Variants in NEMP2 observed in about 807,000 individuals in gnomAD.
NEMP2 encodes UPF0571 transmembrane protein.
A neutral mutation model predicts 54.2 loss-of-function variants in NEMP2; 53 were observed. That is an observed-to-expected ratio of 0.98 (90% CI 0.78 to 1.23). The LOEUF (loss-of-function observed/expected upper bound fraction) is 1.23, where lower values mean the gene tolerates loss of function less well. NEMP2 is among the 50% of genes most tolerant of loss of function. NEMP2 has a pLI of 0.00. For synonymous variants in NEMP2, 197 were observed against 190.3 expected, an observed-to-expected ratio of 1.04 and a Z score of -0.29; for missense variants, 455 against 511.3, an observed-to-expected ratio of 0.89 and a Z score of 1.06.
the NEMP2 span, among the ~76,000 whole-genome samples, chr2:190,489,598 G>T: frequency 3.3e-5 from 5 of 152,156 alleles, no homozygotes; most frequent in African/African-American, 1.2e-4. This position sits in a 1 kb window ranked among gnomAD's most constrained non-coding sequence, Gnocchi z 6.6. Context: ...CTCTTGACAC[G>T]TACCCAGCCC....
At chr2:190,635,379 G>A in the NEMP2 span, among the ~76,000 whole-genome samples, 1 of 152,226 alleles carries the variant, frequency 6.6e-6, no homozygotes, top group East Asian at 1.9e-4. This position sits in a 1 kb window ranked among gnomAD's most constrained non-coding sequence, Gnocchi z 4.1. Flanking sequence ...ACCAAGGCTT[G>A]GCTAATTTTA....
At chr2:190,589,777 C>G in the NEMP2 span, among the ~76,000 whole-genome samples, 5 of 152,102 alleles carry the variant, frequency 3.3e-5, no homozygotes, top group South Asian at 4.1e-4. This position sits in a 1 kb window ranked among gnomAD's most constrained non-coding sequence, Gnocchi z 4.3. Context: ...CTTGAAGAAC[C>G]CTGTTATATT....
At chr2:190,495,345 T>A in the NEMP2 span, among the ~76,000 whole-genome samples, 1 of 152,064 alleles carries the variant, frequency 6.6e-6, no homozygotes, top group African/African-American at 2.4e-5. This position sits in a 1 kb window ranked among gnomAD's most constrained non-coding sequence, Gnocchi z 4.7. Context: ...AAAGAAATCA[T>A]ACATGACATA....
chr2:190,515,154 T>G (rs961437571), intron 6 of NEMP2, among the ~76,000 whole-genome samples: 5 of 152,212 alleles, frequency 3.3e-5, no homozygotes, highest in Admixed American at 3.3e-4. Flanking sequence ...CTGGGTATGA[T>G]CCAAGGTGAA....
At chr2:190,494,169 G>T in the NEMP2 span, among the ~76,000 whole-genome samples, 7 of 152,010 alleles carry the variant, frequency 4.6e-5, no homozygotes, top group Admixed American at 4.6e-4. This position sits in a 1 kb window ranked among gnomAD's most constrained non-coding sequence, Gnocchi z 5.7. Flanking sequence ...AACAAAACAG[G>T]AAATATTACA....
the NEMP2 span, chr2:190,497,768 C>A: frequency 1.3e-6 from 2 of 1,544,538 alleles, no homozygotes; most frequent in South Asian, 1.2e-5. The surrounding 1 kb of genome is among the most constrained non-coding windows in gnomAD (Gnocchi z 5.2). Context: ...CTCAAGATAC[C>A]TTAACTGGGC....
In NEMP2 at chr2:190,507,528, C is replaced by T. The variant is rs1225472702; in HGVS notation, c.*1661G>A. 6.6e-6 allele frequency: 1 copy of T among 152,014 alleles called. No homozygotes were observed. The highest frequency in any genetic ancestry group is 1.5e-5 in the Non-Finnish European group (1 of 67,984). 9.4% of individuals were successfully genotyped at this position (152,014 alleles called of 1,614,324 possible). A position where few individuals can be genotyped will look rare whatever the true frequency, so the allele number is the denominator to read the frequency against. On this transcript the variant is annotated 3_prime_UTR_variant, in exon 9 of 9. Transcript: ENST00000409150. This position sits in a 1 kb window ranked among gnomAD's most constrained non-coding sequence, Gnocchi z 4.4. ...ATATAATTTAAAAAAACAGATTAAA[C>T]CATAAGAAAAATATTCAAACTTCTA...
chr2:190,586,467 A>G, the NEMP2 span, among the ~76,000 whole-genome samples: 1 of 152,220 alleles, frequency 6.6e-6, no homozygotes, highest in East Asian at 1.9e-4. This position sits in a 1 kb window ranked among gnomAD's most constrained non-coding sequence, Gnocchi z 4.5. Flanking sequence ...CATGTTGAGT[A>G]TAGCACTTAG....
the NEMP2 span, chr2:190,626,933 T>A: frequency 2.0e-5 from 3 of 152,224 alleles, no homozygotes; most frequent in Non-Finnish European, 4.4e-5. The surrounding 1 kb of genome is among the most constrained non-coding windows in gnomAD (Gnocchi z 4.5). Context: ...AAATTGGACC[T>A]CAGCTCTTCA....
chr2:190,452,267 AATAAC>A, the NEMP2 span, among the ~76,000 whole-genome samples: 1 of 152,048 alleles, frequency 6.6e-6, no homozygotes. Context: ...AAACAACAAC[AATAAC>A]ACAACAACAA....
rs1311861112 is a variant in NEMP2 at position 190,520,942 on chromosome 2, C to T, written c.214-1759G>A. Among the ~76,000 whole-genome samples the T allele has an allele frequency of 6.6e-6, 1 of 152,098 alleles. No homozygotes were observed. The highest frequency in any genetic ancestry group is 1.5e-5 in the Non-Finnish European group (1 of 68,016). ...AACTCCATGATCAATTATTATACAC[C>T]ATTCCCTGGCACATACCCTTGACTC... On this transcript the variant is annotated intron_variant, in intron 2 of 8. Transcript: ENST00000409150. The surrounding 1 kb of genome is among the most constrained non-coding windows in gnomAD (Gnocchi z 5.4).
chr2:190,614,590 C>T, the NEMP2 span, among the ~76,000 whole-genome samples: 1 of 152,102 alleles, frequency 6.6e-6, no homozygotes, highest in Admixed American at 6.6e-5. The surrounding 1 kb of genome is among the most constrained non-coding windows in gnomAD (Gnocchi z 5.7). Context: ...TCCCAGAGGC[C>T]TCTCAACAGG....
At chr2:190,607,925 T>A in the NEMP2 span, 1 of 152,236 alleles carries the variant, frequency 6.6e-6, no homozygotes, top group East Asian at 1.9e-4. The surrounding 1 kb of genome is among the most constrained non-coding windows in gnomAD (Gnocchi z 5.2). Context: ...TGAAGACTGG[T>A]GTACAGTAGT....
chr2:190,561,587 A>C, the NEMP2 span, among the ~76,000 whole-genome samples: 5 of 152,252 alleles, frequency 3.3e-5, no homozygotes, highest in Admixed American at 1.3e-4. The surrounding 1 kb of genome is among the most constrained non-coding windows in gnomAD (Gnocchi z 5.4). Flanking sequence ...CCTCTATAAA[A>C]GCTCTGTCTC....
the NEMP2 span, chr2:190,497,614 A>C: frequency 1.2e-6 from 2 of 1,614,038 alleles, no homozygotes; most frequent in African/African-American, 2.7e-5. This position sits in a 1 kb window ranked among gnomAD's most constrained non-coding sequence, Gnocchi z 5.2. Context: ...CAGCCTGGGG[A>C]GTCAGCTCTT....
chr2:190,431,564 G>C, the NEMP2 span, among the ~76,000 whole-genome samples: 2 of 152,246 alleles, frequency 1.3e-5, no homozygotes, highest in African/African-American at 4.8e-5. The surrounding 1 kb of genome is among the most constrained non-coding windows in gnomAD (Gnocchi z 4.4). Context: ...AACCAGTCAG[G>C]TGTGGCGGCG....
the NEMP2 span, among the ~76,000 whole-genome samples, chr2:190,462,314 G>A: frequency 6.6e-6 from 1 of 152,086 alleles, no homozygotes; most frequent in Non-Finnish European, 1.5e-5. The surrounding 1 kb of genome is among the most constrained non-coding windows in gnomAD (Gnocchi z 5.7). Context: ...TTCAGACACT[G>A]GCATTTAGCA....
chr2:190,601,488 G>A, the NEMP2 span, among the ~76,000 whole-genome samples: 1 of 152,182 alleles, frequency 6.6e-6, no homozygotes, highest in Non-Finnish European at 1.5e-5. The surrounding 1 kb of genome is among the most constrained non-coding windows in gnomAD (Gnocchi z 5.8). Flanking sequence ...TCCTGGAAGG[G>A]TGCTGGTTTG....
At chr2:190,535,038 G>A (rs1691325109), upstream of NEMP2, 1 of 178,084 alleles carries the variant, frequency 5.6e-6, no homozygotes, top group South Asian at 2.0e-4. Flanking sequence ...GTTGCAGAGA[G>A]GAAGAGTCGC....
Sources: allele counts gnomAD v4.1 joint callset (sites outside exome capture counted in the v4.1 genomes callset), GRCh38; gene constraint gnomAD v4.1.1; non-coding constraint Gnocchi (gnomAD v3.1); transcripts MANE v1.5; gene names NCBI Gene and HGNC (gene_info 2026-07-23, HGNC 2026-07-21).